Variants in FGF12 observed in about 807,000 individuals in gnomAD.
FGF12 encodes the protein fibroblast growth factor 12B.
Under a neutral mutation model 23.6 loss-of-function variants are expected in FGF12, and 14 were observed. The ratio of observed to expected loss-of-function variants is 0.59; its 90% CI spans 0.39 to 0.93. The LOEUF is 0.93. FGF12 is among the 40% of genes least tolerant of loss of function. FGF12 has a pLI of 0.00. For synonymous variants in FGF12, 62 were observed against 77.3 expected (o/e 0.80, Z 1.04); for missense variants, 175 against 217.8 (o/e 0.80, Z 1.24).
At chr3:192,645,628 G>A (rs4585145) in intron 2 of FGF12, among the ~76,000 whole-genome samples, 87,983 of 151,814 alleles carry the variant, frequency 0.58, 25,853 homozygotes, top group East Asian at 0.67. Context: ...TATGTCTAGG[G>A]GAGAGATTCC....
chr3:192,311,300 C>A (rs542223336), intron 4 of FGF12, among the ~76,000 whole-genome samples: 29 of 152,236 alleles, frequency 1.9e-4, no homozygotes, highest in Non-Finnish European at 1.5e-5. Flanking sequence ...CTGTGAACCC[C>A]TTCCATTCCT....
rs1303367552 is a variant in FGF12, at chr3:192,360,397, A to G, written c.124+31T>C. ...ACACTGGGCCCTACATTTGATTTGT[A>G]ATCAGATTGTAAGAAGCTAATGTTT... On this transcript the variant is annotated intron_variant, in intron 3 of 5. Transcript: ENST00000445105. The surrounding 1 kb of genome is among the most constrained non-coding windows in gnomAD (Gnocchi z 4.3). The G allele has an allele frequency of 1.4e-6, 2 of 1,443,616 alleles. No individual in the cohort carries two copies. The highest frequency in any genetic ancestry group is 3.4e-5 in the Admixed American group (2 of 59,618). 89.4% of individuals were successfully genotyped at this position (1,443,616 alleles called of 1,614,324 possible). A position where few individuals can be genotyped will look rare whatever the true frequency, so the allele number is the denominator to read the frequency against.
intron 2 of FGF12, among the ~76,000 whole-genome samples, chr3:192,449,375 A>C (rs116698542): frequency 0.047 from 7,221 of 152,134 alleles, 588 homozygotes; most frequent in African/African-American, 0.16. Context: ...CCAGAATGTG[A>C]AGCCCCTTGG....
intron 2 of FGF12, among the ~76,000 whole-genome samples, chr3:192,623,374 C>T (rs1054551999): frequency 4.5e-4 from 68 of 152,166 alleles, no homozygotes; most frequent in Non-Finnish European, 8.4e-4. Context: ...GCTAAAATTA[C>T]ACGTTTTGAT....
Position 192,554,404 on chromosome 3 carries a change from A to G in FGF12, c.13+172777T>C, listed in dbSNP as rs191932368. ...AGGCACCTTGTGGCAGCTCCAAAGA[A>G]CACAAACAGACACATTAGAGGGAGA... On this transcript the variant is annotated intron_variant, in intron 2 of 5. Transcript: ENST00000445105. Among the ~76,000 whole-genome samples the G allele has an allele frequency of 8.7e-4, 132 of 152,324 alleles. 1 individual carries two copies. Among genetic ancestry groups the G allele is most frequent in the African/African-American group, 2.9e-3 (120 of 41,568 alleles).
At chr3:192,242,337 T>C (rs1003004462) in intron 4 of FGF12, among the ~76,000 whole-genome samples, 1 of 152,202 alleles carries the variant, frequency 6.6e-6, no homozygotes, top group Non-Finnish European at 1.5e-5. Context: ...ATGAGCAGCA[T>C]CCCTAGCCAG....
chr3:192,181,777 T>C (rs984862691), intron 4 of FGF12, among the ~76,000 whole-genome samples: 1 of 151,752 alleles, frequency 6.6e-6, no homozygotes, highest in Non-Finnish European at 1.5e-5. Context: ...ACTACAGGCA[T>C]GCACCACCAC....
chr3:192,312,815 A>G (rs58481577), intron 4 of FGF12, among the ~76,000 whole-genome samples: 12,387 of 151,576 alleles, frequency 0.082, 748 homozygotes, highest in East Asian at 0.19. Context: ...TCTCTCTCTT[A>G]TGGCACCTAA....
intron 2 of FGF12, among the ~76,000 whole-genome samples, chr3:192,717,095 C>G (rs994259444): frequency 2.0e-5 from 3 of 152,190 alleles, no homozygotes; most frequent in Non-Finnish European, 2.9e-5. Flanking sequence ...TTGAGTGAGA[C>G]TAAGCCTGCA....
chr3:192,373,697 G>T (rs1364072202), intron 2 of FGF12, among the ~76,000 whole-genome samples: 1 of 152,130 alleles, frequency 6.6e-6, no homozygotes, highest in African/African-American at 2.4e-5. Flanking sequence ...GGCTCTTAGG[G>T]ACAAGTGAAA....
intron 2 of FGF12, among the ~76,000 whole-genome samples, chr3:192,555,201 G>A (rs1175853596): frequency 2.0e-5 from 3 of 152,064 alleles, no homozygotes; most frequent in East Asian, 1.9e-4. Flanking sequence ...ACTTCAACTC[G>A]TATAAAACTA....
At chr3:192,245,488 C>T (rs191724004) in intron 4 of FGF12, among the ~76,000 whole-genome samples, 1 of 152,218 alleles carries the variant, frequency 6.6e-6, no homozygotes, top group Non-Finnish European at 1.5e-5. Context: ...ATAACACTTC[C>T]TCCTACATGT....
In FGF12 at chr3:192,306,193, A is replaced by T. The variant is rs1715641841; in HGVS notation, c.228+29168T>A. ...AATGTACACAAAAACACACAGTTGG[A>T]TTACCTTTTCTGAATGCACATTTTT... is the stretch of plus-strand genomic sequence containing the variant. On this transcript the variant is annotated intron_variant, in intron 4 of 5. Coordinates refer to ENST00000445105, the MANE Select transcript of FGF12 (RefSeq NM_004113.6). Among the ~76,000 whole-genome samples the T allele has an allele frequency of 2.0e-5, 3 of 152,118 alleles. No individual in the cohort carries two copies. The South Asian group carries it at 6.2e-4, about 32-fold the overall frequency.
chr3:192,297,850 A>G (rs1041456487), intron 4 of FGF12, among the ~76,000 whole-genome samples: 2 of 152,184 alleles, frequency 1.3e-5, no homozygotes, highest in East Asian at 1.9e-4. Flanking sequence ...AGTTGAACCC[A>G]TAGGTTTCTT....
At chr3:192,526,213 C>T (rs1353190706) in intron 2 of FGF12, among the ~76,000 whole-genome samples, 1 of 152,186 alleles carries the variant, frequency 6.6e-6, no homozygotes, top group African/African-American at 2.4e-5. Flanking sequence ...TGTCAATAAA[C>T]CTTCCCTGGC....
intron 5 of FGF12, among the ~76,000 whole-genome samples, chr3:192,154,442 G>T (rs1560169108): frequency 8.3e-6 from 1 of 120,906 alleles, no homozygotes; most frequent in Non-Finnish European, 1.8e-5. Context: ...CATTTTTGTG[G>T]TTTTATCTAC....
At chr3:192,476,485 A>G (rs73070240) in intron 2 of FGF12, among the ~76,000 whole-genome samples, 15,192 of 152,216 alleles carry the variant, frequency 0.1, 2,458 homozygotes, top group African/African-American at 0.34. Context: ...ATAAATAATT[A>G]ATGAATGAAT....
chr3:192,659,557 C>T (rs1349600611), intron 2 of FGF12, among the ~76,000 whole-genome samples: 1 of 152,134 alleles, frequency 6.6e-6, no homozygotes. Context: ...TTAACTAAGC[C>T]ATCTAGGATG....
chr3:192,267,618 G>A (rs537856874), intron 4 of FGF12, among the ~76,000 whole-genome samples: 70 of 151,978 alleles, frequency 4.6e-4, no homozygotes, highest in African/African-American at 1.4e-3. Context: ...CTCTTTTCCC[G>A]TAACATATCA....
Sources: allele counts gnomAD v4.1 joint callset (sites outside exome capture counted in the v4.1 genomes callset), GRCh38; gene constraint gnomAD v4.1.1; non-coding constraint Gnocchi (gnomAD v3.1); transcripts MANE v1.5; gene names NCBI Gene and HGNC (gene_info 2026-07-23, HGNC 2026-07-21).